The following NOVA1 variants were observed in gnomAD, a reference collection of about 807,000 sequenced individuals.
The protein encoded by NOVA1 is NOVA alternative splicing regulator 1.
A neutral mutation model predicts 38.0 loss-of-function variants in NOVA1; 7 were observed. That is an observed-to-expected ratio of 0.18 (90% CI 0.10 to 0.35). The LOEUF (loss-of-function observed/expected upper bound fraction) is 0.35. Among genes scored for constraint, NOVA1 ranks in the 10% least tolerant of loss-of-function variants. The pLI is 1.00. For missense variants in NOVA1, 460 were observed against 616.0 expected (o/e 0.75, Z 2.68); for synonymous variants, 270 against 232.5 (o/e 1.16, Z -1.47).
At position 26,443,726 on chromosome 14, in the gene NOVA1, G is replaced by A. The variant is rs1260703692; in HGVS notation, c.*4233C>T. ...CATGTTTATGAGAAACCAAGCAGAA[G>A]GCAAAATGAGTTCATCCTGTTTTCT... On this transcript the variant is annotated 3_prime_UTR_variant, in exon 5 of 5. Transcript: ENST00000539517. 6.6e-6 allele frequency: 1 copy of A among 151,826 alleles called. No homozygotes were observed. Among genetic ancestry groups the A allele is most frequent in the Non-Finnish European group, 1.5e-5 (1 of 67,770 alleles). 9.4% of individuals were successfully genotyped at this position (151,826 alleles called of 1,614,324 possible).
At chr14:26,561,083 T>C (rs1460591133) in intron 2 of NOVA1, among the ~76,000 whole-genome samples, 1 of 152,100 alleles carries the variant, frequency 6.6e-6, no homozygotes, top group Non-Finnish European at 1.5e-5. Context: ...CTTCGCGTGC[T>C]CAGTTCATGA....
chr14:26,585,205 T>C (rs1037541699), intron 2 of NOVA1, among the ~76,000 whole-genome samples: 1 of 151,390 alleles, frequency 6.6e-6, no homozygotes, highest in African/African-American at 2.4e-5. Context: ...AAATTGCATA[T>C]ATTTACAAAG....
At chr14:26,582,390 T>C (rs184062188) in intron 2 of NOVA1, among the ~76,000 whole-genome samples, 2 of 151,952 alleles carry the variant, frequency 1.3e-5, no homozygotes, top group Admixed American at 6.6e-5. Context: ...ATGAATATTA[T>C]GTCCATGAGA....
chr14:26,585,478 ATATAT>A (rs911824920), intron 2 of NOVA1, among the ~76,000 whole-genome samples: 1 of 151,322 alleles, frequency 6.6e-6, no homozygotes, highest in Non-Finnish European at 1.5e-5. Flanking sequence ...AGATATTAAA[ATATAT>A]TATAAACAAA....
chr14:26,556,216 G>A (rs761144549), intron 2 of NOVA1, among the ~76,000 whole-genome samples: 1 of 152,094 alleles, frequency 6.6e-6, no homozygotes, highest in East Asian at 1.9e-4. Context: ...AACAAAGCTA[G>A]AAGACTGACA....
rs150741686 is a variant in NOVA1, at chr14:26,584,570, G to A, written c.280+10840C>T. Among the ~76,000 whole-genome samples the A allele has an allele frequency of 2.0e-5, 3 of 151,122 alleles. No homozygotes were observed. In the East Asian group the frequency reaches 5.8e-4, roughly 29 times the overall value. On this transcript the variant is annotated intron_variant, in intron 2 of 4. Transcript: ENST00000539517. ...TCTCTTACCTGTACAGATATCTATA[G>A]TGCCTCCTACCACCACTGACCCCCA...
chr14:26,474,658 G>C (rs1884836604), intron 3 of NOVA1, among the ~76,000 whole-genome samples: 1 of 151,824 alleles, frequency 6.6e-6, no homozygotes, highest in Non-Finnish European at 1.5e-5. Flanking sequence ...ATGTGCCTAA[G>C]ATAATTAAAC....
chr14:26,454,998 T>A (rs1883041749), intron 4 of NOVA1, among the ~76,000 whole-genome samples: 1 of 152,120 alleles, frequency 6.6e-6, no homozygotes, highest in African/African-American at 2.4e-5. Flanking sequence ...TTCAAATAAA[T>A]AAAAATCTGC....
chr14:26,519,527 T>A (rs1888719415), intron 2 of NOVA1: 1 of 152,176 alleles, frequency 6.6e-6, no homozygotes. Flanking sequence ...CATGTAAATT[T>A]GTTTTCGTAG....
chr14:26,457,396 T>A (rs1372400546), intron 4 of NOVA1, among the ~76,000 whole-genome samples: 3 of 152,086 alleles, frequency 2.0e-5, no homozygotes, highest in African/African-American at 7.2e-5. Flanking sequence ...ATGCACCAAA[T>A]AACAAAGTTT....
chr14:26,555,921 ATAGAAAAAG>A (rs1412100348), intron 2 of NOVA1, among the ~76,000 whole-genome samples: 21 of 152,324 alleles, frequency 1.4e-4, no homozygotes, highest in Admixed American at 1.0e-3. Context: ...CACCAAAAAA[ATAGAAAAAG>A]TTCAATATAA....
At chr14:26,524,716 T>C (rs1489547519) in intron 2 of NOVA1, among the ~76,000 whole-genome samples, 1 of 152,130 alleles carries the variant, frequency 6.6e-6, no homozygotes, top group Non-Finnish European at 1.5e-5. Flanking sequence ...GAGTCAATGA[T>C]GTGAAGATTT....
In NOVA1 at chr14:26,494,044, G is replaced by A. The variant is rs559941512; in HGVS notation, c.281-13901C>T. ...ATTCCTCATATTTCTACATATCGAA[G>A]TTACCAGAAGTCTGTTTCTTCAGCC... is the stretch of plus-strand genomic sequence containing the variant. On this transcript the variant is annotated intron_variant, in intron 2 of 4. Transcript: ENST00000539517. Among the ~76,000 whole-genome samples the A allele has an allele frequency of 7.0e-4, 107 of 152,228 alleles. 1 individual carries two copies. Among genetic ancestry groups the A allele is most frequent in the African/African-American group, 2.0e-3 (85 of 41,540 alleles).
intron 4 of NOVA1, 126 bp downstream of exon 4, chr14:26,472,194 G>A: frequency 1.6e-6 from 1 of 626,280 alleles, no homozygotes; most frequent in South Asian, 2.1e-5. Context: ...TAGGTTATTT[G>A]GAATCTGACT....
intron 2 of NOVA1, among the ~76,000 whole-genome samples, chr14:26,493,756 C>T (rs568037227): frequency 6.6e-6 from 1 of 152,128 alleles, no homozygotes; most frequent in African/African-American, 2.4e-5. Flanking sequence ...CCTGTATACT[C>T]TCCCTGCAGT....
chr14:26,528,024 G>A (rs1346542891), intron 2 of NOVA1, among the ~76,000 whole-genome samples: 2 of 152,162 alleles, frequency 1.3e-5, no homozygotes, highest in African/African-American at 2.4e-5. Flanking sequence ...GGTTCTAAGT[G>A]TGGCAATTCC....
intron 2 of NOVA1, among the ~76,000 whole-genome samples, chr14:26,540,565 A>T (rs928946523): frequency 6.6e-6 from 1 of 152,266 alleles, no homozygotes; most frequent in Admixed American, 6.5e-5. Context: ...CCTACAAACC[A>T]GCATGTACTA....
intron 2 of NOVA1, among the ~76,000 whole-genome samples, chr14:26,539,364 A>C (rs1566517961): frequency 6.6e-6 from 1 of 152,190 alleles, no homozygotes; most frequent in African/African-American, 2.4e-5. Context: ...ACACACACCA[A>C]CGTTAATATA....
At chr14:26,456,553 GATC>G (rs1205017319) in intron 4 of NOVA1, among the ~76,000 whole-genome samples, 2 of 151,960 alleles carry the variant, frequency 1.3e-5, no homozygotes, top group African/African-American at 4.8e-5. Flanking sequence ...CAGCAAAACT[GATC>G]ATCAAGTAAA....
Sources: gnomAD v4.1 joint callset for allele counts (sites outside exome capture counted in the v4.1 genomes callset) on GRCh38, gnomAD v4.1.1 for gene constraint, MANE v1.5 for transcripts, NCBI Gene and HGNC (gene_info 2026-07-23, HGNC 2026-07-21) for gene names.